The following MAP3K21 variants were observed in gnomAD, a reference collection of about 807,000 sequenced individuals.
MAP3K21 encodes the protein mitogen-activated protein kinase kinase kinase MLK4.
In MAP3K21, 63 loss-of-function variants were observed where a neutral mutation model predicts 86.1. The observed-to-expected ratio is 0.73, with a 90% CI of 0.60 to 0.90. The LOEUF is 0.90. Among genes scored for constraint, MAP3K21 ranks in the 40% least tolerant of loss-of-function variants. The pLI is 0.00. For synonymous variants in MAP3K21, 558 were observed against 564.8 expected, an observed-to-expected ratio of 0.99 and a Z score of 0.17; for missense variants, 1,220 against 1,367.7, an observed-to-expected ratio of 0.89 and a Z score of 1.70.
At chr1:233,345,740 T>C in intron 1 of MAP3K21, among the ~76,000 whole-genome samples, 1 of 145,088 alleles carries the variant, frequency 6.9e-6, no homozygotes, top group East Asian at 2.0e-4. Flanking sequence ...ATAATAATAA[T>C]AATAATAATA....
rs1294235 is a variant in MAP3K21, at chr1:233,383,007, T to C, written c.*296T>C. ...ACCTTCAGCACAATGTTAATGTTTT[T>C]GTTCTCATTTATGCCTTTGTCCATT... On this transcript the variant is annotated 3_prime_UTR_variant, in exon 10 of 10. Transcript: ENST00000366624. 93,613 of 222,694 alleles carry C rather than the reference T, an allele frequency of 0.42. 20,430 individuals carry two copies. Among genetic ancestry groups the C allele is most frequent in the African/African-American group, 0.52 (22,958 of 44,198 alleles). 13.8% of individuals were successfully genotyped at this position (222,694 alleles called of 1,614,324 possible). A position where few individuals can be genotyped will look rare whatever the true frequency, so the allele number is the denominator to read the frequency against.
intron 5 of MAP3K21, among the ~76,000 whole-genome samples, chr1:233,370,481 A>C (rs1207269502): frequency 6.6e-6 from 1 of 152,234 alleles, no homozygotes; most frequent in Non-Finnish European, 1.5e-5. Context: ...GTAACAGAAA[A>C]GACAATATCA....
intron 4 of MAP3K21, among the ~76,000 whole-genome samples, chr1:233,357,334 C>T (rs1663378681): frequency 1.3e-5 from 2 of 151,450 alleles, no homozygotes; most frequent in South Asian, 2.1e-4. Flanking sequence ...AGCACACCAA[C>T]AGGGCGCATG....
Position 233,328,111 on chromosome 1 carries a change from C to A in MAP3K21, c.83C>A (p.Ser28Ter). The change falls in exon 1 of 10, where the codon TCG becomes TAG. Residue 28 changes from serine (S) to a stop codon, truncating the protein, a stop_gained. Transcript: ENST00000366624. LOFTEE classifies it high-confidence loss of function. This position sits in a 1 kb window ranked among gnomAD's most constrained non-coding sequence, Gnocchi z 8.7. ...GGAPGGSASS[S>*]STSSGGSASA... ...GCCCCCGGCGGCTCAGCGTCCTCGT[C>A]GTCCACCTCCTCGGGCGGCTCGGCC... is the stretch of plus-strand genomic sequence containing the variant. 1 of 1,391,682 alleles carries A rather than the reference C, an allele frequency of 7.2e-7. No individual in the cohort carries two copies. Among genetic ancestry groups the A allele is most frequent in the Non-Finnish European group, 9.3e-7 (1 of 1,078,882 alleles). The allele number at this position is 1,391,682 out of a possible 1,614,324, so 86.2% of individuals were successfully genotyped here.
chr1:233,378,811 C>A, intron 8 of MAP3K21, 120 bp from the exon 9 acceptor site: 1 of 737,984 alleles, frequency 1.4e-6, no homozygotes, highest in Non-Finnish European at 2.2e-6. Flanking sequence ...ATGAAAAGGG[C>A]TGCATGTGTT....
chr1:233,379,180 G>C lies in MAP3K21; in HGVS notation c.2174G>C (p.Gly725Ala). ...QRKKTESALY[G>A]CTVLLASVAL... ...AAGAAAACGGAGTCAGCTCTGTATG[G>C]GTGCACCGTCCTTCTGGCATCGGTG... Residue 725 changes from glycine (G) to alanine (A), a missense_variant, in exon 9 of 10, where the codon GGG becomes GCG. This residue lies in a region of MAP3K21 where 632 missense variants were observed against 691.3 expected (regional missense o/e 0.91). Transcript: ENST00000366624. The C allele has an allele frequency of 6.2e-7, 1 of 1,614,176 alleles. No homozygotes were observed. Among genetic ancestry groups the C allele is most frequent in the Non-Finnish European group, 8.5e-7 (1 of 1,180,024 alleles).
At position 233,328,949 on chromosome 1, in the gene MAP3K21, C is replaced by G; in HGVS notation, c.805+116C>G. On this transcript the variant is annotated intron_variant, in intron 1 of 9. Transcript: ENST00000366624. The surrounding 1 kb of genome is among the most constrained non-coding windows in gnomAD (Gnocchi z 8.7). ...GGAGTCAGCCTTAGGGCGCCAGCAG[C>G]AACTCATGCCCAGGCCTTCAGGGCT... The G allele has an allele frequency of 9.5e-7, 1 of 1,055,760 alleles. No individual in the cohort carries two copies. Among genetic ancestry groups the G allele is most frequent in the Non-Finnish European group, 1.2e-6 (1 of 821,482 alleles). The allele number at this position is 1,055,760 out of a possible 1,614,324, so 65.4% of individuals were successfully genotyped here. A position where few individuals can be genotyped will look rare whatever the true frequency, so the allele number is the denominator to read the frequency against.
intron 1 of MAP3K21, among the ~76,000 whole-genome samples, chr1:233,339,304 CTCT>C (rs1159949780): frequency 1.6e-5 from 1 of 64,254 alleles, no homozygotes; most frequent in African/African-American, 6.5e-5. Context: ...CTTCTTCTTC[CTCT>C]TCTTCTTCCT....
intron 1 of MAP3K21, among the ~76,000 whole-genome samples, chr1:233,342,056 G>A (rs866008413): frequency 9.9e-5 from 15 of 151,898 alleles, no homozygotes; most frequent in African/African-American, 3.6e-4. Flanking sequence ...AGTATGTAGG[G>A]TTTAAAGGAT....
chr1:233,364,147 C>A (rs1663522166), intron 5 of MAP3K21, among the ~76,000 whole-genome samples: 1 of 152,004 alleles, frequency 6.6e-6, no homozygotes, highest in Admixed American at 6.6e-5. Flanking sequence ...TTACCTTCAA[C>A]CTCTCTGGGG....
chr1:233,381,167 G>A (rs188373560), intron 9 of MAP3K21, among the ~76,000 whole-genome samples: 1 of 152,332 alleles, frequency 6.6e-6, no homozygotes, highest in Non-Finnish European at 1.5e-5. Context: ...TAGTGTCATG[G>A]TTAATAGTAT....
At chr1:233,371,915 C>A in intron 5 of MAP3K21, 123 bp from the exon 6 acceptor site, 1 of 895,614 alleles carries the variant, frequency 1.1e-6, no homozygotes, top group Non-Finnish European at 1.7e-6. Flanking sequence ...AGAAATCGAT[C>A]CTGCAATATT....
At chr1:233,333,860 T>G (rs559455654) in intron 1 of MAP3K21, among the ~76,000 whole-genome samples, 3 of 152,260 alleles carry the variant, frequency 2.0e-5, no homozygotes, top group South Asian at 2.1e-4. Flanking sequence ...ATTGGCTTTT[T>G]TGTGTGTGTT....
At chr1:233,357,177 TC>T (rs1558457519) in intron 4 of MAP3K21, among the ~76,000 whole-genome samples, 1 of 152,136 alleles carries the variant, frequency 6.6e-6, no homozygotes, top group East Asian at 1.9e-4. Context: ...CACTGCATGT[TC>T]TCACTCATAG....
chr1:233,367,130 A>G (rs1159130754), intron 5 of MAP3K21, among the ~76,000 whole-genome samples: 1 of 152,164 alleles, frequency 6.6e-6, no homozygotes. Flanking sequence ...AAAGCCTCCA[A>G]AAGTTGGTAT....
At chr1:233,368,656 TA>T (rs35334557) in intron 5 of MAP3K21, among the ~76,000 whole-genome samples, 2,456 of 146,772 alleles carry the variant, frequency 0.017, 53 homozygotes, top group African/African-American at 0.055. Context: ...ATCTTGTCTT[TA>T]AAAAAAAAAA....
At chr1:233,337,259 CA>C (rs1662934972) in intron 1 of MAP3K21, among the ~76,000 whole-genome samples, 2 of 152,102 alleles carry the variant, frequency 1.3e-5, no homozygotes, top group Admixed American at 1.3e-4. Context: ...GGCAGTGTTC[CA>C]ATAAAACTTT....
At chr1:233,347,458 A>C (rs562281403) in intron 2 of MAP3K21, among the ~76,000 whole-genome samples, 73 of 152,304 alleles carry the variant, frequency 4.8e-4, no homozygotes, top group African/African-American at 1.6e-3. Flanking sequence ...AATAGTTATG[A>C]TGCACCTAGA....
At chr1:233,376,706 C>G (rs553617803) in intron 8 of MAP3K21, among the ~76,000 whole-genome samples, 179 bp downstream of exon 8, 1 of 152,164 alleles carries the variant, frequency 6.6e-6, no homozygotes, top group African/African-American at 2.4e-5. Context: ...GTATTTATGG[C>G]AGGAAGTAAT....
Sources: gnomAD v4.1 joint callset for allele counts (sites outside exome capture counted in the v4.1 genomes callset) on GRCh38, gnomAD v4.1.1 for gene constraint, gnomAD v4.1.1 regional missense constraint, Gnocchi (gnomAD v3.1) non-coding constraint, MANE v1.5 for transcripts, NCBI Gene and HGNC (gene_info 2026-07-23, HGNC 2026-07-21) for gene names.